The following EPHX4 variants were observed in gnomAD, a reference collection of about 807,000 sequenced individuals.
EPHX4 encodes the protein abhydrolase domain containing 7.
In EPHX4, 31 loss-of-function variants were observed where a neutral mutation model predicts 44.9. The observed-to-expected ratio is 0.69, with a 90% CI of 0.52 to 0.93. The LOEUF is 0.93. Ranked by LOEUF, EPHX4 falls within the 40% of genes least tolerant of loss-of-function variation. The pLI is 0.00. For synonymous variants in EPHX4, 151 were observed against 159.7 expected, an observed-to-expected ratio of 0.95 and a Z score of 0.41; for missense variants, 373 against 438.1, an observed-to-expected ratio of 0.85 and a Z score of 1.33.
chr1:92,053,826 G>A (rs1647304886), intron 6 of EPHX4, among the ~76,000 whole-genome samples: 1 of 152,154 alleles, frequency 6.6e-6, no homozygotes, highest in South Asian at 2.1e-4. Context: ...ATTGATCTTA[G>A]GCTAGTTGAC....
intron 6 of EPHX4, among the ~76,000 whole-genome samples, chr1:92,053,650 G>A (rs563781076): frequency 6.6e-6 from 1 of 152,194 alleles, no homozygotes; most frequent in African/African-American, 2.4e-5. Context: ...CACTTAAGAG[G>A]TAAAATTGAC....
rs1688572852 is a variant in EPHX4 at position 92,045,670 on chromosome 1, A to G, written c.604+10A>G. The G allele has an allele frequency of 6.2e-7, 1 of 1,613,762 alleles. No homozygotes were observed. The highest frequency in any genetic ancestry group is 8.5e-7 in the Non-Finnish European group (1 of 1,179,894). On this transcript the variant is annotated intron_variant, in intron 4 of 6. Transcript: ENST00000370383. ...CCAAATGTATTTACAGGTGAGTTCAAGTTTTTATCAAAACAGTTCTGCTAA... is the reference window on the plus strand; with the variant it reads ...CCAAATGTATTTACAGGTGAGTTCAGGTTTTTATCAAAACAGTTCTGCTAA...
chr1:92,041,565 G>A (rs1688509119), intron 2 of EPHX4, among the ~76,000 whole-genome samples: 3 of 152,130 alleles, frequency 2.0e-5, no homozygotes, highest in Admixed American at 2.0e-4. Context: ...TTACTCCACT[G>A]AAATTCCTGG....
chr1:92,057,263 G>A (rs962585892), intron 6 of EPHX4, among the ~76,000 whole-genome samples: 1 of 151,892 alleles, frequency 6.6e-6, no homozygotes, highest in Non-Finnish European at 1.5e-5. Context: ...ATTATATGAA[G>A]ACTACTAAGA....
chr1:92,031,417 G>T (rs1688358639), intron 1 of EPHX4, among the ~76,000 whole-genome samples: 1 of 152,130 alleles, frequency 6.6e-6, no homozygotes, highest in Admixed American at 6.5e-5. Flanking sequence ...AGTAGTATAA[G>T]AACCATCTGG....
intron 2 of EPHX4, among the ~76,000 whole-genome samples, chr1:92,037,610 C>A (rs1455825752): frequency 1.3e-5 from 2 of 152,082 alleles, no homozygotes; most frequent in African/African-American, 2.4e-5. Context: ...AGTGCTAAGG[C>A]GAGTGAGGGG....
chr1:92,062,782 C>T (rs1357993736), intron 6 of EPHX4, among the ~76,000 whole-genome samples: 3 of 151,952 alleles, frequency 2.0e-5, no homozygotes, highest in Non-Finnish European at 2.9e-5. Flanking sequence ...ATCACTTTTT[C>T]ATTATCACTT....
intron 6 of EPHX4, among the ~76,000 whole-genome samples, chr1:92,053,900 G>A (rs1414118940): frequency 6.6e-6 from 1 of 152,156 alleles, no homozygotes; most frequent in Admixed American, 6.6e-5. Context: ...ACTCAGAGGA[G>A]AGAATCTGGG....
At chr1:92,056,310 A>G (rs993562978) in intron 6 of EPHX4, among the ~76,000 whole-genome samples, 7 of 152,172 alleles carry the variant, frequency 4.6e-5, no homozygotes, top group Non-Finnish European at 7.4e-5. Flanking sequence ...CCTTGGGACT[A>G]TGTCCTCATC....
At chr1:92,048,001 G>C (rs1688606053) in intron 4 of EPHX4, among the ~76,000 whole-genome samples, 1 of 152,070 alleles carries the variant, frequency 6.6e-6, no homozygotes, top group African/African-American at 2.4e-5. Flanking sequence ...TAATAATTTT[G>C]TATTCTTTAC....
chr1:92,055,763 G>T (rs1176753518), intron 6 of EPHX4, among the ~76,000 whole-genome samples: 4 of 152,158 alleles, frequency 2.6e-5, no homozygotes, highest in African/African-American at 9.6e-5. Context: ...CAAGAAAAAA[G>T]ATTTAAAATC....
intron 4 of EPHX4, among the ~76,000 whole-genome samples, chr1:92,046,098 T>G (rs1688577635): frequency 6.6e-6 from 1 of 152,200 alleles, no homozygotes. Context: ...CCATTGAGCT[T>G]TTACTTATAT....
chr1:92,050,458 T>C (rs751260926), intron 5 of EPHX4, 38 bp downstream of exon 5: 13 of 1,082,682 alleles, frequency 1.2e-5, no homozygotes, highest in African/African-American at 1.6e-5. Flanking sequence ...GTATTATTAT[T>C]ATTATTAATG....
At chr1:92,045,746 T>G in intron 4 of EPHX4, 86 bp downstream of exon 4, 1 of 1,470,712 alleles carries the variant, frequency 6.8e-7, no homozygotes, top group Non-Finnish European at 9.4e-7. Context: ...ACAGCAAAAT[T>G]TGGTTACTAT....
chr1:92,038,671 G>C (rs1688472216), intron 2 of EPHX4, among the ~76,000 whole-genome samples: 1 of 152,158 alleles, frequency 6.6e-6, no homozygotes. Flanking sequence ...TCCTAGAAAA[G>C]GAGACGCCTA....
chr1:92,046,167 T>C (rs2101871054), intron 4 of EPHX4, among the ~76,000 whole-genome samples: 1 of 152,338 alleles, frequency 6.6e-6, no homozygotes, highest in African/African-American at 2.4e-5. Flanking sequence ...TATTTATATG[T>C]TAATTCATCA....
At chr1:92,044,729 A>T (rs894340015) in intron 3 of EPHX4, among the ~76,000 whole-genome samples, 1 of 152,178 alleles carries the variant, frequency 6.6e-6, no homozygotes, top group Admixed American at 6.5e-5. Flanking sequence ...TAGGGAAGAG[A>T]TAGATGCTTC....
chr1:92,030,485 T>TGTGTGTGTGTGTGAGTGA (rs1326928763), intron 1 of EPHX4, among the ~76,000 whole-genome samples, 175 bp downstream of exon 1: 6 of 138,652 alleles, frequency 4.3e-5, no homozygotes, highest in African/African-American at 8.3e-5. Context: ...TGTGTGTGTG[T>TGTGTGTGTGTGTGAGTGA]GAGAGAGAGA....
At chr1:92,055,703 G>A (rs1002169452) in intron 6 of EPHX4, among the ~76,000 whole-genome samples, 16 of 151,818 alleles carry the variant, frequency 1.1e-4, no homozygotes, top group African/African-American at 1.5e-4. Context: ...TACAAATAAC[G>A]TAAAGAGAAA....
Sources: allele counts gnomAD v4.1 joint callset (sites outside exome capture counted in the v4.1 genomes callset), GRCh38; gene constraint gnomAD v4.1.1; transcripts MANE v1.5; gene names NCBI Gene and HGNC (gene_info 2026-07-23, HGNC 2026-07-21).